The following SLC9A9 variants were observed in gnomAD, a reference collection of about 807,000 sequenced individuals.
The protein encoded by SLC9A9 is sodium/hydrogen exchanger 9.
A neutral mutation model predicts 77.8 loss-of-function variants in SLC9A9; 62 were observed. That is an observed-to-expected ratio of 0.80 (90% confidence interval 0.65 to 0.98). SLC9A9 has a LOEUF of 0.98. Among genes scored for constraint, SLC9A9 ranks in the 50% least tolerant of loss-of-function variants. The probability of loss-of-function intolerance (pLI) is 0.00; values close to 1 mark genes in which losing one functional copy is unlikely to be tolerated. For missense variants in SLC9A9, 775 were observed against 774.9 expected, an observed-to-expected ratio of 1.00 and a Z score of 0.00; for synonymous variants, 320 against 283.5, an observed-to-expected ratio of 1.13 and a Z score of -1.29.
At chr3:143,756,737 A>G (rs2006937298) in intron 4 of SLC9A9, among the ~76,000 whole-genome samples, 1 of 152,196 alleles carries the variant, frequency 6.6e-6, no homozygotes, top group Non-Finnish European at 1.5e-5. Context: ...TTAGACTTCA[A>G]TATCAGCTCA....
intron 6 of SLC9A9, among the ~76,000 whole-genome samples, chr3:143,643,234 T>G (rs1290087580): frequency 6.6e-6 from 1 of 152,214 alleles, no homozygotes; most frequent in Non-Finnish European, 1.5e-5. Context: ...GTGACAGTTG[T>G]TTCAATAGTC....
chr3:143,442,173 T>C (rs1463847409), intron 12 of SLC9A9, among the ~76,000 whole-genome samples: 1 of 152,152 alleles, frequency 6.6e-6, no homozygotes, highest in Non-Finnish European at 1.5e-5. Context: ...AAGATCAACG[T>C]AGAGCAAAAT....
intron 14 of SLC9A9, among the ~76,000 whole-genome samples, chr3:143,286,124 G>A (rs1432760655): frequency 2.0e-5 from 3 of 152,176 alleles, no homozygotes; most frequent in Non-Finnish European, 4.4e-5. Context: ...TGGTTTTAGA[G>A]GCTGGGAAAT....
chr3:143,780,667 C>T (rs1347055591), intron 4 of SLC9A9, among the ~76,000 whole-genome samples: 2 of 152,154 alleles, frequency 1.3e-5, no homozygotes, highest in Non-Finnish European at 2.9e-5. Flanking sequence ...TGATGCTAAT[C>T]AGAGGGAAAG....
chr3:143,443,064 G>A (rs1473376739), intron 12 of SLC9A9, among the ~76,000 whole-genome samples: 1 of 151,328 alleles, frequency 6.6e-6, no homozygotes, highest in Non-Finnish European at 1.5e-5. Context: ...GGGAAAGAAA[G>A]AGTCTTTTGA....
rs370520321 is a variant in SLC9A9 at position 143,733,731 on chromosome 3, G to T, written c.534-40424C>A. ...CACGGTGGTCATCTGCTTGGATCAA[G>T]GATGAGAAAGTATCCAGGATGTAGA... On this transcript the variant is annotated intron_variant, in intron 4 of 15. Transcript: ENST00000316549. Among the ~76,000 whole-genome samples the T allele has an allele frequency of 2.0e-5, 3 of 151,990 alleles. No homozygotes were observed. In the East Asian group the frequency reaches 5.8e-4, roughly 29 times the overall value.
chr3:143,701,679 A>G (rs1933805958), intron 4 of SLC9A9, among the ~76,000 whole-genome samples: 1 of 152,218 alleles, frequency 6.6e-6, no homozygotes, highest in Non-Finnish European at 1.5e-5. Context: ...AAATAGCCTC[A>G]AAAGGGCAAA....
chr3:143,429,911 T>C (rs2034479739), intron 12 of SLC9A9, among the ~76,000 whole-genome samples: 1 of 152,240 alleles, frequency 6.6e-6, no homozygotes, highest in Non-Finnish European at 1.5e-5. Flanking sequence ...AGGTCATATC[T>C]TTCAAATTTG....
chr3:143,594,309 T>G (rs1210275513), intron 6 of SLC9A9, among the ~76,000 whole-genome samples: 1 of 152,216 alleles, frequency 6.6e-6, no homozygotes, highest in African/African-American at 2.4e-5. Flanking sequence ...ATGTTGAAAT[T>G]CTCTTGGACT....
At position 143,381,907 on chromosome 3, in the gene SLC9A9, C is replaced by T. The variant is rs1016183182; in HGVS notation, c.1524+153G>A. On this transcript the variant is annotated intron_variant, in intron 13 of 15. Transcript: ENST00000316549. ...CTAGAAGTTATCAACACCCTGAATTCCCTTGTATTTTATTGTAATCTCATT... is the reference window on the plus strand; with the variant it reads ...CTAGAAGTTATCAACACCCTGAATTTCCTTGTATTTTATTGTAATCTCATT... 3 of 877,526 alleles carry T rather than the reference C, an allele frequency of 3.4e-6. No individual in the cohort carries two copies. In the African/African-American group the frequency reaches 5.0e-5, roughly 15 times the overall value. 54.4% of individuals were successfully genotyped at this position (877,526 alleles called of 1,614,324 possible).
chr3:143,754,514 G>A (rs932379462), intron 4 of SLC9A9, among the ~76,000 whole-genome samples: 2 of 152,176 alleles, frequency 1.3e-5, no homozygotes, highest in African/African-American at 4.8e-5. Context: ...ACAATAATTG[G>A]GGAATGTGTT....
chr3:143,766,038 T>TA (rs1283359128), intron 4 of SLC9A9, among the ~76,000 whole-genome samples: 5 of 152,170 alleles, frequency 3.3e-5, no homozygotes, highest in African/African-American at 1.2e-4. Context: ...GACCAACTGA[T>TA]ACAAGAAGAA....
At chr3:143,410,502 A>G (rs1206312020) in intron 12 of SLC9A9, among the ~76,000 whole-genome samples, 5 of 152,050 alleles carry the variant, frequency 3.3e-5, no homozygotes, top group African/African-American at 1.2e-4. Flanking sequence ...CTTACTTCCT[A>G]TTTTCTACTT....
chr3:143,621,422 A>G (rs1196710753), intron 6 of SLC9A9, among the ~76,000 whole-genome samples: 12 of 152,236 alleles, frequency 7.9e-5, no homozygotes, highest in Non-Finnish European at 1.3e-4. Flanking sequence ...CAAAACTTCC[A>G]GAGGAACGAT....
intron 4 of SLC9A9, among the ~76,000 whole-genome samples, chr3:143,763,045 A>C (rs927355438): frequency 2.6e-5 from 4 of 152,140 alleles, no homozygotes; most frequent in Admixed American, 6.6e-5. Flanking sequence ...CGATGGAACT[A>C]TTGGCCATAA....
chr3:143,705,547 G>A (rs1053130234), intron 4 of SLC9A9, among the ~76,000 whole-genome samples: 4 of 152,152 alleles, frequency 2.6e-5, no homozygotes, highest in Non-Finnish European at 5.9e-5. Flanking sequence ...GCCTGTATCA[G>A]TGAATCACAT....
intron 12 of SLC9A9, among the ~76,000 whole-genome samples, chr3:143,396,276 A>G (rs1459144272): frequency 6.6e-6 from 1 of 152,254 alleles, no homozygotes; most frequent in Non-Finnish European, 1.5e-5. Flanking sequence ...GCCATAAAAA[A>G]TGATGAGTTC....
At position 143,485,250 on chromosome 3, in the gene SLC9A9, A is replaced by C. The variant is rs914828522; in HGVS notation, c.1315+8403T>G. Among the ~76,000 whole-genome samples, 6 of 152,350 alleles carry C rather than the reference A, an allele frequency of 3.9e-5. No individual in the cohort carries two copies. The East Asian group carries it at 1.2e-3, about 29-fold the overall frequency. On this transcript the variant is annotated intron_variant, in intron 11 of 15. Transcript: ENST00000316549. ...GCTGGTTCTGATCAAAGAGATGCAG[A>C]CAAAATCGCCACCATTGTTGTTGCA...
intron 6 of SLC9A9, among the ~76,000 whole-genome samples, chr3:143,623,913 T>TA (rs1411734660): frequency 6.6e-6 from 1 of 151,762 alleles, no homozygotes; most frequent in African/African-American, 2.4e-5. Flanking sequence ...ATAGACGCAA[T>TA]AAAAAATGAT....
Sources: allele counts gnomAD v4.1 joint callset (sites outside exome capture counted in the v4.1 genomes callset), GRCh38; gene constraint gnomAD v4.1.1; transcripts MANE v1.5; gene names NCBI Gene and HGNC (gene_info 2026-07-23, HGNC 2026-07-21).